The following AP3B2 variants were observed in gnomAD, a reference collection of about 807,000 sequenced individuals.
The protein encoded by AP3B2 is adaptor related protein complex 3 subunit beta 2, also known as AP-3 complex subunit beta-2.
AP3B2 carries 50 observed loss-of-function variants against 126.9 expected under a neutral mutation model. The ratio of observed to expected loss-of-function variants is 0.39; its 90% CI spans 0.31 to 0.50. AP3B2 has a LOEUF of 0.50. Ranked by LOEUF, AP3B2 falls within the 20% of genes least tolerant of loss-of-function variation. The pLI, the probability that AP3B2 is intolerant of heterozygous loss-of-function variation, is 0.79. For missense variants in AP3B2, 1,177 were observed against 1,426.4 expected (o/e 0.83, Z 2.82); for synonymous variants, 541 against 565.0 (o/e 0.96, Z 0.60).
chr15:82,705,379 AG>A (rs762474970), intron 1 of AP3B2, among the ~76,000 whole-genome samples: 35 of 152,180 alleles, frequency 2.3e-4, no homozygotes, highest in Non-Finnish European at 3.1e-4. Flanking sequence ...CAATTAGTTC[AG>A]GATCTGTGCC....
In AP3B2 at chr15:82,677,793, C is replaced by T. The variant is rs750705900; in HGVS notation, c.1256G>A (p.Arg419His). 18 of 1,606,318 alleles carry T rather than the reference C, an allele frequency of 1.1e-5. No individual in the cohort carries two copies. Among genetic ancestry groups the T allele is most frequent in the East Asian group, 4.5e-5 (2 of 44,794 alleles). The change falls in exon 12 of 27, where the codon CGC becomes CAC. Residue 419 changes from arginine to histidine, a missense_variant. Arg to His is a conservative substitution (Grantham distance 29). Around this residue, in one of 5 missense-constraint regions of AP3B2, gnomAD observed 308 missense variants for 452.4 expected, o/e 0.68. Transcript: ENST00000535359. ...TVLREFQTYI[R>H]SMDKDFVAAT... ...TGCCACAAAGTCCTTGTCCATGCTG[C>T]GAATATAGGTCTGTGGGATATGACA...
intron 14 of AP3B2, among the ~76,000 whole-genome samples, chr15:82,667,740 A>G (rs2048084457): frequency 1.3e-5 from 2 of 152,304 alleles, no homozygotes; most frequent in South Asian, 4.1e-4. Context: ...AGAAGTAGGC[A>G]TTATTGCCCC....
At chr15:82,702,730 T>C (rs1028577896) in intron 1 of AP3B2, among the ~76,000 whole-genome samples, 1 of 152,168 alleles carries the variant, frequency 6.6e-6, no homozygotes, top group African/African-American at 2.4e-5. Flanking sequence ...GCTTTATTGC[T>C]CACACAAAGC....
At chr15:82,707,197 C>T (rs1293337996) in intron 1 of AP3B2, among the ~76,000 whole-genome samples, 1 of 152,170 alleles carries the variant, frequency 6.6e-6, no homozygotes, top group Non-Finnish European at 1.5e-5. Context: ...CTTCATACCC[C>T]TTACCATCCT....
In AP3B2 at chr15:82,677,312, T is replaced by G; in HGVS notation, c.1450A>C (p.Ile484Leu). Residue 484 changes from isoleucine to leucine, a missense_variant, in exon 13 of 27, where the codon ATC (isoleucine) becomes CTC (leucine). Around this residue, in one of 5 missense-constraint regions of AP3B2, gnomAD observed 308 missense variants for 452.4 expected, o/e 0.68. Coordinates refer to ENST00000535359, the MANE Select transcript of AP3B2 (RefSeq NM_001278512.2). ...GTAAGCTTTGCCAAGTGTTTGATGA[T>G]CTCTCCATGTTGTGCTGGCTGCATC... ...LQMQPAQHGEIIKHLAKLTDN... is the reference protein window; with the variant it reads ...LQMQPAQHGELIKHLAKLTDN... 6.2e-7 allele frequency: 1 copy of G among 1,613,942 alleles called. No individual in the cohort carries two copies. The highest frequency in any genetic ancestry group is 1.3e-5 in the African/African-American group (1 of 75,042).
Position 82,664,726 on chromosome 15 carries a change from G to A in AP3B2, c.2137+109C>T. On this transcript the variant is annotated intron_variant, in intron 18 of 26. Transcript: ENST00000535359. This position sits in a 1 kb window ranked among gnomAD's most constrained non-coding sequence, Gnocchi z 4.5. ...CCTCAGGTGCACAAACAATTCACAA[G>A]CAGGTGCACACCCCTAGACACACAA... 2.1e-6 allele frequency: 2 copies of A among 964,914 alleles called. No individual in the cohort carries two copies. The highest frequency in any genetic ancestry group is 1.5e-6 in the Non-Finnish European group (1 of 647,232). The allele number at this position is 964,914 out of a possible 1,614,324, so 59.8% of individuals were successfully genotyped here. A position where few individuals can be genotyped will look rare whatever the true frequency, so the allele number is the denominator to read the frequency against.
At chr15:82,691,580 G>A (rs2048533134) in intron 1 of AP3B2, 2 of 567,788 alleles carry the variant, frequency 3.5e-6, no homozygotes, top group Non-Finnish European at 5.2e-6. Context: ...CTGGTAGAAA[G>A]TATGTAGTTT....
chr15:82,693,173 T>C (rs2048571113), intron 1 of AP3B2, among the ~76,000 whole-genome samples: 1 of 150,566 alleles, frequency 6.6e-6, no homozygotes, highest in African/African-American at 2.5e-5. Context: ...TACGAACCAA[T>C]AAGAATCTCC....
At chr15:82,676,377 C>T in intron 14 of AP3B2, 84 bp downstream of exon 14, 1 of 1,428,622 alleles carries the variant, frequency 7.0e-7, no homozygotes, top group East Asian at 2.3e-5. Flanking sequence ...TAGAGTTCAG[C>T]CCTGCCTAGG....
At chr15:82,695,095 C>CTT (rs747831776) in intron 1 of AP3B2, among the ~76,000 whole-genome samples, 55 of 134,804 alleles carry the variant, frequency 4.1e-4, no homozygotes, top group African/African-American at 1.3e-3. Context: ...TTCTTTCTTT[C>CTT]TTTTTTTTTT....
intron 14 of AP3B2, among the ~76,000 whole-genome samples, chr15:82,672,815 T>C (rs1160220387): frequency 6.6e-6 from 1 of 152,240 alleles, no homozygotes; most frequent in African/African-American, 2.4e-5. Flanking sequence ...TTCTCCCTTG[T>C]GGCTTTGGAG....
intron 4 of AP3B2, among the ~76,000 whole-genome samples, chr15:82,683,059 T>TTTTTTTTTG (rs2048370724): frequency 8.3e-6 from 1 of 120,696 alleles, no homozygotes; most frequent in African/African-American, 3.5e-5. Context: ...TTTTTTTTTT[T>TTTTTTTTTG]TTTTTTTTTT....
chr15:82,684,151 T>C (rs2048389073), intron 4 of AP3B2, among the ~76,000 whole-genome samples: 1 of 152,208 alleles, frequency 6.6e-6, no homozygotes, highest in Non-Finnish European at 1.5e-5. Context: ...GCCTGTTTTT[T>C]AAAGCCAGGC....
At position 82,689,370 on chromosome 15, in the gene AP3B2, CCT is replaced by C. The variant is rs2048485314; in HGVS notation, c.189+6_189+7del. 2 of 1,613,818 alleles carry C rather than the reference CCT, an allele frequency of 1.2e-6. No individual in the cohort carries two copies. Among genetic ancestry groups the C allele is most frequent in the African/African-American group, 1.3e-5 (1 of 75,056 alleles). On this transcript the variant is annotated splice_donor_region_variant and intron_variant, in intron 2 of 26. Transcript: ENST00000535359. ...GCCCGGAGGGAGGCCTCCTCCTTCC[CCT>C]CTTACCGCCACAATCCTCTTCATGG... is the stretch of plus-strand genomic sequence containing the variant.
At chr15:82,696,670 T>C (rs2048632053) in intron 1 of AP3B2, among the ~76,000 whole-genome samples, 1 of 152,208 alleles carries the variant, frequency 6.6e-6, no homozygotes. Context: ...TCAATCTGCA[T>C]GCCCCTACAG....
chr15:82,699,408 C>G (rs1004761283), intron 1 of AP3B2, among the ~76,000 whole-genome samples: 1 of 152,142 alleles, frequency 6.6e-6, no homozygotes, highest in African/African-American at 2.4e-5. Flanking sequence ...TATCCTCCTC[C>G]CCTCAGAGCC....
intron 1 of AP3B2, among the ~76,000 whole-genome samples, chr15:82,696,242 C>T (rs1596195079): frequency 6.6e-6 from 1 of 152,008 alleles, no homozygotes; most frequent in South Asian, 2.1e-4. Context: ...ATAATAGCAA[C>T]AAAAGGAAAA....
At chr15:82,660,124 T>C (rs2047913647) in intron 25 of AP3B2, 141 bp from the exon 26 acceptor site, 1 of 1,141,774 alleles carries the variant, frequency 8.8e-7, no homozygotes, top group Non-Finnish European at 1.2e-6. Flanking sequence ...TCATCAGTCT[T>C]GGGGAGAAGG....
At position 82,664,546 on chromosome 15, in the gene AP3B2, G is replaced by A. The variant is rs1306093555; in HGVS notation, c.2138-56C>T. 6.4e-7 allele frequency: 1 copy of A among 1,567,362 alleles called. No individual in the cohort carries two copies. Among genetic ancestry groups the A allele is most frequent in the Non-Finnish European group, 8.6e-7 (1 of 1,157,444 alleles). Reference sequence around the variant, plus strand: ...TCATATGCAGGCCTCCTTGGGTCTGGAGCAGACACCTGGGTTCCACCTTCA... The same window carrying A: ...TCATATGCAGGCCTCCTTGGGTCTGAAGCAGACACCTGGGTTCCACCTTCA... On this transcript the variant is annotated intron_variant, in intron 18 of 26. Transcript: ENST00000535359. This position sits in a 1 kb window ranked among gnomAD's most constrained non-coding sequence, Gnocchi z 4.5.
Sources: gnomAD v4.1 joint callset for allele counts (sites outside exome capture counted in the v4.1 genomes callset) on GRCh38, gnomAD v4.1.1 for gene constraint, gnomAD v4.1.1 regional missense constraint, Gnocchi (gnomAD v3.1) non-coding constraint, MANE v1.5 for transcripts, NCBI Gene and HGNC (gene_info 2026-07-23, HGNC 2026-07-21) for gene names.